FAN1: variants seen among roughly 807,000 people sequenced by gnomAD.
The protein encoded by FAN1 is fanconi-associated nuclease 1.
A neutral mutation model predicts 104.9 loss-of-function variants in FAN1; 91 were observed. That is an observed-to-expected ratio of 0.87 (90% CI 0.73 to 1.03). The LOEUF (loss-of-function observed/expected upper bound fraction) is 1.03. FAN1 is among the 50% of genes least tolerant of loss of function. FAN1 has a pLI of 0.00. For synonymous variants in FAN1, 478 were observed against 457.6 expected (o/e 1.04, Z -0.57); for missense variants, 1,263 against 1,239.9 (o/e 1.02, Z -0.28).
rs1014207920 is a variant in FAN1, at chr15:30,941,385, G to C, written c.*4-181G>C. On this transcript the variant is annotated intron_variant, in intron 14 of 14. Transcript: ENST00000362065. ...ATTATTCTTACATATAAAGTTATTA[G>C]AGATTCAAACGCCTAGGTTAGCAAT... 8.1e-5 allele frequency: 124 copies of C among 1,539,846 alleles called. 4 individuals carry two copies. In the South Asian group the frequency reaches 1.5e-3, roughly 19 times the overall value.
chr15:30,920,546 T>C lies in FAN1; in HGVS notation c.1945T>C (p.Cys649Arg), dbSNP rs777125944. The change falls in exon 7 of 15, where the codon TGC (cysteine) becomes CGC (arginine). Residue 649 changes from cysteine (C) to arginine (R), a missense_variant and splice_region_variant. Physicochemically the swap from Cys to Arg is radical, Grantham distance 180. Around this residue, in one of 2 missense-constraint regions of FAN1, gnomAD observed 581 missense variants for 668.8 expected, o/e 0.87. Coordinates refer to ENST00000362065, the MANE Select transcript of FAN1 (RefSeq NM_014967.5). ...TACTGGTATATGTCTTCATTTTAGA[T>C]GCCACGAAGATTTACCACTCTTCCT... ...NRLKNHPSLRCHEDLPLFLRC... is the reference protein window; with the variant it reads ...NRLKNHPSLRRHEDLPLFLRC... 1.2e-6 allele frequency: 2 copies of C among 1,602,162 alleles called. No individual in the cohort carries two copies. The highest frequency in any genetic ancestry group is 1.7e-6 in the Non-Finnish European group (2 of 1,170,850).
rs765013759 is a variant in FAN1, at chr15:30,925,240, C to G, written c.2286C>G (p.Phe762Leu). 2 of 1,613,996 alleles carry G rather than the reference C, an allele frequency of 1.2e-6. No individual in the cohort carries two copies. Among genetic ancestry groups the G allele is most frequent in the Non-Finnish European group, 1.7e-6 (2 of 1,180,026 alleles). The change falls in exon 9 of 15, where the codon TTC (phenylalanine) becomes TTG (leucine). Residue 762 changes from phenylalanine to leucine, a missense_variant. By Grantham distance (22) the Phe-to-Leu change is conservative. Transcript: ENST00000362065. ...GAGAGTCTCCGAGCTGTAAAAAGTT[C>G]AAGCACCTCTTCCAGCAGCTCCCAG... is the stretch of plus-strand genomic sequence containing the variant. ...RLRESPSCKK[F>L]KHLFQQLPEM...
Position 30,904,526 on chromosome 15 carries a change from C to G in FAN1, c.-138C>G. 1.2e-6 allele frequency: 1 copy of G among 826,780 alleles called. No homozygotes were observed. Among genetic ancestry groups the G allele is most frequent in the Non-Finnish European group, 2.1e-6 (1 of 484,412 alleles). The allele number at this position is 826,780 out of a possible 1,614,324, so 51.2% of individuals were successfully genotyped here. A position where few individuals can be genotyped will look rare whatever the true frequency, so the allele number is the denominator to read the frequency against. ...TCTTCTTGTAGGAAGAAGAAATTGT[C>G]GAGACGAATAACATGAGGTCATATA... On this transcript the variant is annotated 5_prime_UTR_variant, in exon 2 of 15. Transcript: ENST00000362065.
At chr15:30,928,678 A>G (rs2062534200) in intron 11 of FAN1, 22 bp downstream of exon 11, 2 of 1,613,474 alleles carry the variant, frequency 1.2e-6, no homozygotes, top group Admixed American at 1.7e-5. Context: ...CCCCTGCCCC[A>G]CGAGTAGGTC....
intron 3 of FAN1, among the ~76,000 whole-genome samples, chr15:30,908,623 A>G (rs375176816): frequency 1.3e-5 from 2 of 152,302 alleles, no homozygotes; most frequent in East Asian, 1.9e-4. Context: ...AGGCAGGTGG[A>G]TCACCTGAGG....
In FAN1 at chr15:30,930,564, G is replaced by A. The variant is rs387907280; in HGVS notation, c.2809G>A (p.Gly937Ser). Residue 937 changes from glycine to serine, a missense_variant, in exon 13 of 15, where the codon GGC (glycine) becomes AGC (serine). By Grantham distance (56) the Gly-to-Ser change is moderately conservative. Around this residue, in one of 2 missense-constraint regions of FAN1, gnomAD observed 581 missense variants for 668.8 expected, o/e 0.87. Transcript: ENST00000362065. ...QAQDLVSCLGGPVLSGVCRHL... is the reference protein window; with the variant it reads ...QAQDLVSCLGSPVLSGVCRHL... ...TCAGGATCTTGTCTCCTGCCTGGGG[G>A]GCCCTGTGCTCAGTGGTGTGTGCAG... The A allele has an allele frequency of 5.0e-6, 8 of 1,600,034 alleles. No homozygotes were observed. The highest frequency in any genetic ancestry group is 6.8e-6 in the Non-Finnish European group (8 of 1,176,064).
chr15:30,925,314 C>T, intron 9 of FAN1, 23 bp downstream of exon 9: 1 of 1,607,010 alleles, frequency 6.2e-7, no homozygotes, highest in Non-Finnish European at 8.5e-7. Context: ...CCTGTGGGTG[C>T]TTTGGACTTA....
chr15:30,926,064 G>C (rs2062454827), intron 10 of FAN1, 125 bp downstream of exon 10: 1 of 967,942 alleles, frequency 1.0e-6, no homozygotes, highest in Non-Finnish European at 1.6e-6. Context: ...AGATGCTGTG[G>C]GCTGGGGGAT....
In FAN1 at chr15:30,904,992, C is replaced by T. The variant is rs151206988; in HGVS notation, c.329C>T (p.Thr110Ile). ...KKSPPPKTNL[T>I]PGQSDSAKRE... ...TCACCACCACCAAAGACAAATTTAA[C>T]CCCTGGCCAAAGTGATTCAGCAAAA... The change falls in exon 2 of 15, where the codon ACC becomes ATC. Residue 110 changes from threonine to isoleucine, a missense_variant. Around this residue, in one of 2 missense-constraint regions of FAN1, gnomAD observed 682 missense variants for 571.1 expected, o/e 1.19. Coordinates refer to ENST00000362065, the MANE Select transcript of FAN1 (RefSeq NM_014967.5). The T allele has an allele frequency of 3.6e-5, 58 of 1,613,894 alleles. No homozygotes were observed. The African/African-American group carries it at 6.9e-4, about 19-fold the overall frequency.
rs539064523 is a variant in FAN1, at chr15:30,942,629, A to C, written c.*1067A>C. 1.6e-5 allele frequency: 7 copies of C among 442,928 alleles called. No homozygotes were observed. The highest frequency in any genetic ancestry group is 4.0e-5 in the African/African-American group (2 of 49,740). 27.4% of individuals were successfully genotyped at this position (442,928 alleles called of 1,614,324 possible). On this transcript the variant is annotated 3_prime_UTR_variant, in exon 15 of 15. Transcript: ENST00000362065. Reference sequence around the variant, plus strand: ...GGCGGCTTGAATCATCAAGAAATGGATAAATGGGGCTTTAGTAAATCAGGC... The same window carrying C: ...GGCGGCTTGAATCATCAAGAAATGGCTAAATGGGGCTTTAGTAAATCAGGC...
intron 5 of FAN1, among the ~76,000 whole-genome samples, chr15:30,917,697 C>G (rs1423852519): frequency 6.6e-6 from 1 of 152,208 alleles, no homozygotes; most frequent in Non-Finnish European, 1.5e-5. Flanking sequence ...TCCCAAAGAG[C>G]ATCCCTTAGT....
At chr15:30,907,933 A>G (rs955001285) in intron 2 of FAN1, among the ~76,000 whole-genome samples, 185 bp from the exon 3 acceptor site, 5 of 152,232 alleles carry the variant, frequency 3.3e-5, no homozygotes, top group Non-Finnish European at 5.9e-5. Context: ...TTGATCTTAG[A>G]AGTTTTAAAA....
rs183092396 is a variant in FAN1, at chr15:30,933,015, C to T, written c.2916+2344C>T. Among the ~76,000 whole-genome samples, 16 of 152,084 alleles carry T rather than the reference C, an allele frequency of 1.1e-4. No homozygotes were observed. In the East Asian group the frequency reaches 2.1e-3, roughly 20 times the overall value. On this transcript the variant is annotated intron_variant, in intron 13 of 14. Coordinates refer to ENST00000362065, the MANE Select transcript of FAN1 (RefSeq NM_014967.5). ...GATTACAGGTGTGAGCCACCGCACA[C>T]GGCCATGTATTTCTTACTGTATTTT... is the stretch of plus-strand genomic sequence containing the variant.
At chr15:30,925,638 C>G (rs1470829007) in intron 9 of FAN1, 151 bp from the exon 10 acceptor site, 1 of 901,832 alleles carries the variant, frequency 1.1e-6, no homozygotes, top group Non-Finnish European at 1.7e-6. Flanking sequence ...GTCACATCCC[C>G]GCAGTTCTGC....
At position 30,904,957 on chromosome 15, in the gene FAN1, A is replaced by G. The variant is rs2061939800; in HGVS notation, c.294A>G (p.Thr98=). The G allele has an allele frequency of 1.9e-6, 3 of 1,613,904 alleles. No individual in the cohort carries two copies. The highest frequency in any genetic ancestry group is 1.7e-5 in the Admixed American group (1 of 60,008). ...DLTSVTLEDV[T]PKKSPPPKTN... is the part of the protein sequence containing the mutation. ...CCAGTGTTACCTTAGAAGATGTAACACCTAAGAAGTCACCACCACCAAAGA... is the reference window on the plus strand; with the variant it reads ...CCAGTGTTACCTTAGAAGATGTAACGCCTAAGAAGTCACCACCACCAAAGA... The change falls in exon 2 of 15, where the codon ACA becomes ACG. Residue 98 remains threonine, a synonymous_variant. Coordinates refer to ENST00000362065, the MANE Select transcript of FAN1 (RefSeq NM_014967.5).
chr15:30,907,697 TAGGG>T (rs200212270), intron 2 of FAN1, among the ~76,000 whole-genome samples: 1,689 of 152,204 alleles, frequency 0.011, 8 homozygotes, highest in Middle Eastern at 0.017. Context: ...ATCTGGGTAA[TAGGG>T]AGATTGAGAC....
chr15:30,938,379 A>T (rs143125385), intron 14 of FAN1, among the ~76,000 whole-genome samples: 1 of 152,148 alleles, frequency 6.6e-6, no homozygotes. Context: ...ATTCTCATGA[A>T]GTTGTGTTGA....
intron 13 of FAN1, among the ~76,000 whole-genome samples, chr15:30,933,179 C>T (rs2062759747): frequency 6.6e-6 from 1 of 151,990 alleles, no homozygotes; most frequent in Admixed American, 6.6e-5. Flanking sequence ...CTTTTGGTTT[C>T]ATTTGTTTTT....
At chr15:30,940,108 T>C in intron 14 of FAN1, 1 of 985,228 alleles carries the variant, frequency 1.0e-6, no homozygotes, top group Non-Finnish European at 1.2e-6. Context: ...ATAAAAATTT[T>C]CCATATCTTA....
Sources: allele counts gnomAD v4.1 joint callset (sites outside exome capture counted in the v4.1 genomes callset), GRCh38; gene constraint gnomAD v4.1.1; regional missense constraint gnomAD v4.1.1; transcripts MANE v1.5; gene names NCBI Gene and HGNC (gene_info 2026-07-23, HGNC 2026-07-21).